PEX11B: variants seen among roughly 807,000 people sequenced by gnomAD.
PEX11B encodes peroxisomal membrane protein 11B.
Under a neutral mutation model 28.2 loss-of-function variants are expected in PEX11B, and 18 were observed. The observed-to-expected ratio is 0.64, with a 90% CI of 0.44 to 0.95. The LOEUF is 0.95. Among genes scored for constraint, PEX11B ranks in the 40% least tolerant of loss-of-function variants. The pLI, the probability that PEX11B is intolerant of heterozygous loss-of-function variation, is 0.00. For missense variants in PEX11B, 305 were observed against 319.8 expected, an observed-to-expected ratio of 0.95 and a Z score of 0.35; for synonymous variants, 128 against 128.7, an observed-to-expected ratio of 0.99 and a Z score of 0.04.
chr1:145,917,669 T>C (rs1553754125), intron 2 of PEX11B, 32 bp downstream of exon 2: 1 of 1,196,146 alleles, frequency 8.4e-7, no homozygotes, highest in Non-Finnish European at 1.3e-6. Flanking sequence ...GAGGAAAGGT[T>C]GGGGGATAAA....
rs200919340 is a variant in PEX11B at position 145,912,174 on chromosome 1, C to T, written c.767G>A (p.Arg256Gln). Residue 256 changes from arginine (R) to glutamine (Q), a missense_variant, in exon 4 of 4, where the codon CGA (arginine) becomes CAA (glutamine). Transcript: ENST00000369306. Reference sequence around the variant, plus strand: ...TGTACCGGAAGGTCAGGGCTTGAGTCGTAGCCAGGGATAGATTAGGGTGAG... The same window carrying T: ...TGTACCGGAAGGTCAGGGCTTGAGTTGTAGCCAGGGATAGATTAGGGTGAG... ...SILTLIYPWL[R>Q]LKP The T allele has an allele frequency of 5.4e-5, 87 of 1,604,532 alleles. No individual in the cohort carries two copies. The highest frequency in any genetic ancestry group is 4.7e-4 in the South Asian group (42 of 89,550).
At position 145,912,250 on chromosome 1, in the gene PEX11B, C is replaced by A; in HGVS notation, c.691G>T (p.Gly231Cys). Residue 231 changes from glycine to cysteine, a missense_variant, in exon 4 of 4, where the codon GGC (glycine) becomes TGC (cysteine). Gly to Cys is a radical substitution (Grantham distance 159). Transcript: ENST00000369306. The stretch of plus-strand genomic sequence containing the variant: ...CCACAAAGCCCCACAATCCCAGGGC[C>A]ACAGCGCCAGAGGCCTAGTTTGTCC... ...PLDKLGLWRC[G>C]PGIVGLCGLV... 1 of 1,614,060 alleles carries A rather than the reference C, an allele frequency of 6.2e-7. No homozygotes were observed. The highest frequency in any genetic ancestry group is 8.5e-7 in the Non-Finnish European group (1 of 1,179,988).
chr1:145,913,502 T>C lies in PEX11B; in HGVS notation c.375-936A>G, dbSNP rs1280825661. On this transcript the variant is annotated intron_variant, in intron 3 of 3. Coordinates refer to ENST00000369306, the MANE Select transcript of PEX11B (RefSeq NM_003846.3). ...CTCCCAACATTCTGTAACTAATACA[T>C]GTTTATGTGCACCTTAAGATCCTGG... 2.0e-5 allele frequency among the ~76,000 whole-genome samples: 3 copies of C among 152,214 alleles called. No homozygotes were observed. The East Asian group carries it at 5.8e-4, about 29-fold the overall frequency.
In PEX11B at chr1:145,918,709, C is replaced by T; in HGVS notation, c.-21G>A. On this transcript the variant is annotated 5_prime_UTR_variant, in exon 1 of 4. Transcript: ENST00000369306. ...TCCATGACAGCCGCAGCCCAGGCTCCGCGGCCCTGCTCCCGCCCCACTTCC... is the reference window on the plus strand; with the variant it reads ...TCCATGACAGCCGCAGCCCAGGCTCTGCGGCCCTGCTCCCGCCCCACTTCC... 6.4e-7 allele frequency: 1 copy of T among 1,560,910 alleles called. No individual in the cohort carries two copies. Among genetic ancestry groups the T allele is most frequent in the Admixed American group, 1.9e-5 (1 of 51,840 alleles).
In PEX11B at chr1:145,917,016, G is replaced by C. The variant is rs1553754023; in HGVS notation, c.175C>G (p.Leu59Val). 6.2e-7 allele frequency: 1 copy of C among 1,603,966 alleles called. No individual in the cohort carries two copies. Among genetic ancestry groups the C allele is most frequent in the South Asian group, 1.1e-5 (1 of 90,778 alleles). ...GCATCTGCTGAGTTACCCAGGCGTA[G>C]AACTTGTGGAGATTAGAAAGGGAAA... Reference protein sequence around the residue: ...ESHLSLGRKLLRLGNSADALE... With the variant: ...ESHLSLGRKLVRLGNSADALE... The change falls in exon 3 of 4, where the codon CTA (leucine) becomes GTA (valine). Residue 59 changes from leucine (L) to valine (V), a missense_variant and splice_region_variant. Transcript: ENST00000369306.
At chr1:145,917,848 G>C (rs782170999) in intron 1 of PEX11B, 32 bp from the exon 2 acceptor site, 76 of 1,518,580 alleles carry the variant, frequency 5.0e-5, no homozygotes, top group Non-Finnish European at 5.6e-5. Context: ...GTAAGGTGGA[G>C]ACCTCCCTAA....
At chr1:145,917,619 G>A (rs1307315363) in intron 2 of PEX11B, 82 bp downstream of exon 2, 3 of 795,504 alleles carry the variant, frequency 3.8e-6, no homozygotes, top group Non-Finnish European at 4.5e-6. Flanking sequence ...GAACAGAGAG[G>A]GTACAGGAAG....
At chr1:145,916,749 C>A (rs1647393703) in intron 3 of PEX11B, 68 bp downstream of exon 3, 4 of 1,078,630 alleles carry the variant, frequency 3.7e-6, no homozygotes, top group Non-Finnish European at 5.7e-6. Context: ...ATCTTTCCCT[C>A]ATATAAGACA....
rs782612638 is a variant in PEX11B at position 145,918,246 on chromosome 1, G to A, written c.56+387C>T. On this transcript the variant is annotated intron_variant, in intron 1 of 3. Coordinates refer to ENST00000369306, the MANE Select transcript of PEX11B (RefSeq NM_003846.3). ...CAAACGCCAGGGCGGAGGCAGGGGA[G>A]TTCCCGAATGGCAGCACGGTGTGGG... 1.4e-5 allele frequency: 14 copies of A among 985,350 alleles called. No individual in the cohort carries two copies. The African/African-American group carries it at 1.7e-4, about 12-fold the overall frequency. 61.0% of individuals were successfully genotyped at this position (985,350 alleles called of 1,614,324 possible). A position where few individuals can be genotyped will look rare whatever the true frequency, so the allele number is the denominator to read the frequency against.
chr1:145,915,836 G>A lies in PEX11B; in HGVS notation c.374+981C>T, dbSNP rs587701445. Among the ~76,000 whole-genome samples, 26 of 152,082 alleles carry A rather than the reference G, an allele frequency of 1.7e-4. No individual in the cohort carries two copies. In the East Asian group the frequency reaches 3.3e-3, roughly 19 times the overall value. ...TTTAGTAGAGACGGGGTTTTGCCAC[G>A]TTGGCCAGGCTGGTCTTGAAGTCCT... On this transcript the variant is annotated intron_variant, in intron 3 of 3. Coordinates refer to ENST00000369306, the MANE Select transcript of PEX11B (RefSeq NM_003846.3).
intron 3 of PEX11B, among the ~76,000 whole-genome samples, chr1:145,915,282 G>C (rs1647316446): frequency 6.6e-6 from 1 of 152,310 alleles, no homozygotes; most frequent in Non-Finnish European, 1.5e-5. Context: ...GTAAGTATCT[G>C]TTGGATGAAA....
At chr1:145,914,183 G>A (rs1553753572) in intron 3 of PEX11B, among the ~76,000 whole-genome samples, 2 of 152,190 alleles carry the variant, frequency 1.3e-5, no homozygotes, top group Non-Finnish European at 2.9e-5. Flanking sequence ...AGACTAGCCT[G>A]ACCAACGTGG....
chr1:145,912,190 T>C lies in PEX11B; in HGVS notation c.751A>G (p.Ile251Val), dbSNP rs782363370. Residue 251 changes from isoleucine (I) to valine (V), a missense_variant, in exon 4 of 4, where the codon ATC becomes GTC. Physicochemically the swap from Ile to Val is conservative, Grantham distance 29 (BLOSUM62 3). Coordinates refer to ENST00000369306, the MANE Select transcript of PEX11B (RefSeq NM_003846.3). ...GGCTTGAGTCGTAGCCAGGGATAGA[T>C]TAGGGTGAGAATAGACAGGATGGAG... ...VSSILSILTLIYPWLRLKP is the reference protein window; with the variant it reads ...VSSILSILTLVYPWLRLKP 3 of 1,611,250 alleles carry C rather than the reference T, an allele frequency of 1.9e-6. No individual in the cohort carries two copies. The highest frequency in any genetic ancestry group is 2.5e-6 in the Non-Finnish European group (3 of 1,178,532).
At chr1:145,913,592 A>AC (rs1657898907) in intron 3 of PEX11B, among the ~76,000 whole-genome samples, 2 of 142,710 alleles carry the variant, frequency 1.4e-5, no homozygotes, top group Non-Finnish European at 3.1e-5. Flanking sequence ...TCCACTTGGC[A>AC]ACACACACAC....
chr1:145,917,941 T>C (rs1322544828), intron 1 of PEX11B, 125 bp from the exon 2 acceptor site: 78 of 1,406,530 alleles, frequency 5.5e-5, no homozygotes, highest in Non-Finnish European at 6.4e-5. Flanking sequence ...TCCTCCTCCA[T>C]GCCCATATCT....
intron 3 of PEX11B, among the ~76,000 whole-genome samples, chr1:145,915,096 T>A (rs782677508): frequency 1.3e-5 from 2 of 152,108 alleles, no homozygotes; most frequent in Non-Finnish European, 2.9e-5. Context: ...AGAGACGGGG[T>A]TTCTCCATGC....
Position 145,915,885 on chromosome 1 carries a change from G to A in PEX11B, c.374+932C>T, listed in dbSNP as rs587672609. ...CTGACCTCGTGATCCCCCCAACCTCGGCCTCCCAAAGTGCTGGGATTACAG... is the reference window on the plus strand; with the variant it reads ...CTGACCTCGTGATCCCCCCAACCTCAGCCTCCCAAAGTGCTGGGATTACAG... On this transcript the variant is annotated intron_variant, in intron 3 of 3. Coordinates refer to ENST00000369306, the MANE Select transcript of PEX11B (RefSeq NM_003846.3). Among the ~76,000 whole-genome samples, 187 of 152,006 alleles carry A rather than the reference G, an allele frequency of 1.2e-3. 1 individual carries two copies. The highest frequency in any genetic ancestry group is 4.6e-3 in the Admixed American group (70 of 15,278).
At chr1:145,918,335 G>A in intron 1 of PEX11B, 1 of 1,512,840 alleles carries the variant, frequency 6.6e-7, no homozygotes, top group South Asian at 1.2e-5. Context: ...CCACCGTGGG[G>A]CGAATGCTCC....
chr1:145,912,160 G>C lies in PEX11B; in HGVS notation c.*1C>G. The C allele has an allele frequency of 6.3e-7, 1 of 1,592,176 alleles. No homozygotes were observed. Among genetic ancestry groups the C allele is most frequent in the Non-Finnish European group, 8.6e-7 (1 of 1,168,188 alleles). On this transcript the variant is annotated 3_prime_UTR_variant, in exon 4 of 4. Coordinates refer to ENST00000369306, the MANE Select transcript of PEX11B (RefSeq NM_003846.3). ...TCCCCTCCTTATCCTGTACCGGAAG[G>C]TCAGGGCTTGAGTCGTAGCCAGGGA...
Sources: allele counts gnomAD v4.1 joint callset (sites outside exome capture counted in the v4.1 genomes callset), GRCh38; gene constraint gnomAD v4.1.1; transcripts MANE v1.5; gene names NCBI Gene and HGNC (gene_info 2026-07-23, HGNC 2026-07-21).